CRTAC1: variants seen among roughly 807,000 people sequenced by gnomAD.
CRTAC1 encodes the protein acidic secreted protein in cartilage.
A neutral mutation model predicts 67.8 loss-of-function variants in CRTAC1; 37 were observed. The ratio of observed to expected loss-of-function variants is 0.55; its 90% CI spans 0.42 to 0.72. CRTAC1 has a LOEUF of 0.72. CRTAC1 is among the 30% of genes least tolerant of loss of function. CRTAC1 has a pLI of 0.00. For synonymous variants in CRTAC1, 348 were observed against 371.0 expected (o/e 0.94, Z 0.71); for missense variants, 780 against 931.6 (o/e 0.84, Z 2.12).
intron 2 of CRTAC1, among the ~76,000 whole-genome samples, chr10:97,947,682 G>A (rs2051285913): frequency 6.6e-6 from 1 of 152,178 alleles, no homozygotes; most frequent in African/African-American, 2.4e-5. Context: ...GTTTAATTGG[G>A]GGAACTTAAA....
At chr10:98,005,100 A>ATTTTTTTTTTTTTTTTTTTTT (rs10683960) in intron 2 of CRTAC1, among the ~76,000 whole-genome samples, 17 of 48,886 alleles carry the variant, frequency 3.5e-4, no homozygotes, top group African/African-American at 4.6e-4. Flanking sequence ...ATATATATAT[A>ATTTTTTTTTTTTTTTTTTTTT]TTTTTTTTTT....
intron 2 of CRTAC1, among the ~76,000 whole-genome samples, chr10:97,976,334 C>T (rs2051802294): frequency 6.6e-6 from 1 of 152,194 alleles, no homozygotes. Flanking sequence ...GGCACTGGCT[C>T]CAGGCTGCCT....
intron 3 of CRTAC1, among the ~76,000 whole-genome samples, chr10:97,933,961 C>T (rs1046615214): frequency 1.7e-4 from 26 of 152,300 alleles, no homozygotes; most frequent in South Asian, 1.5e-3. Context: ...CCCTAATGTG[C>T]AGCCTGGGCA....
At chr10:97,920,993 A>AG (rs2050828705) in intron 4 of CRTAC1, among the ~76,000 whole-genome samples, 1 of 152,078 alleles carries the variant, frequency 6.6e-6, no homozygotes, top group Admixed American at 6.5e-5. Context: ...AGAATGAGTG[A>AG]GGGGTGGAAG....
At chr10:97,929,924 G>A (rs979780707) in intron 3 of CRTAC1, among the ~76,000 whole-genome samples, 1 of 152,212 alleles carries the variant, frequency 6.6e-6, no homozygotes, top group Non-Finnish European at 1.5e-5. Context: ...GGGGAAGAAA[G>A]AACTCATTCA....
intron 2 of CRTAC1, among the ~76,000 whole-genome samples, chr10:97,968,159 A>G (rs1342525574): frequency 1.3e-5 from 2 of 152,240 alleles, no homozygotes; most frequent in Non-Finnish European, 2.9e-5. Flanking sequence ...GCTTGTGGGA[A>G]GGACACTTGC....
chr10:98,013,090 T>C (rs554800374), intron 1 of CRTAC1, among the ~76,000 whole-genome samples: 1 of 152,228 alleles, frequency 6.6e-6, no homozygotes, highest in Non-Finnish European at 1.5e-5. Flanking sequence ...CATGCCGAAA[T>C]GTAGCATGGA....
intron 2 of CRTAC1, among the ~76,000 whole-genome samples, chr10:97,957,389 G>A (rs1414849134): frequency 1.3e-5 from 2 of 152,150 alleles, no homozygotes; most frequent in Non-Finnish European, 2.9e-5. Context: ...TCAGTGACAG[G>A]AGCAGCCCCA....
At position 97,884,754 on chromosome 10, in the gene CRTAC1, G is replaced by T. The variant is rs1013199415; in HGVS notation, c.1487-403C>A. ...CAGCTCTTGAACTCACGTTCTAGCA[G>T]ACAGGCCAAGCATCAGGAGGCTGTA... On this transcript the variant is annotated intron_variant, in intron 11 of 14. Coordinates refer to ENST00000370597, the MANE Select transcript of CRTAC1 (RefSeq NM_018058.7). Among the ~76,000 whole-genome samples the T allele has an allele frequency of 3.3e-5, 5 of 152,232 alleles. No individual in the cohort carries two copies. The East Asian group carries it at 9.6e-4, about 29-fold the overall frequency.
chr10:97,924,149 GCT>G (rs1176623169), intron 3 of CRTAC1, among the ~76,000 whole-genome samples: 3 of 152,172 alleles, frequency 2.0e-5, no homozygotes, highest in Admixed American at 6.5e-5. Flanking sequence ...GCCTTCTGGA[GCT>G]CGTTCGTGAC....
chr10:98,003,237 G>C (rs1476730700), intron 2 of CRTAC1, among the ~76,000 whole-genome samples: 4 of 152,106 alleles, frequency 2.6e-5, no homozygotes, highest in African/African-American at 9.7e-5. Flanking sequence ...ATGACACCAA[G>C]CATTCAACAT....
intron 2 of CRTAC1, among the ~76,000 whole-genome samples, chr10:97,939,001 T>C (rs2136617500): frequency 6.6e-6 from 1 of 152,326 alleles, no homozygotes; most frequent in African/African-American, 2.4e-5. Flanking sequence ...TGTGGGTCTG[T>C]GAGTCTCACT....
intron 2 of CRTAC1, among the ~76,000 whole-genome samples, chr10:97,968,119 A>G (rs540916650): frequency 1.4e-4 from 21 of 152,374 alleles, no homozygotes; most frequent in Admixed American, 7.8e-4. Context: ...TGACAGAGCC[A>G]GAATGGATTA....
In CRTAC1 at chr10:97,977,161, C is replaced by A. The variant is rs115626195; in HGVS notation, c.224+33977G>T. 9.7e-3 allele frequency among the ~76,000 whole-genome samples: 1,473 copies of A among 152,256 alleles called. 31 individuals are homozygous for A. The highest frequency in any genetic ancestry group is 0.034 in the African/African-American group (1,398 of 41,550). The stretch of plus-strand genomic sequence containing the variant: ...ATGGATAAGTTCTGAACAGCTGGAC[C>A]AGGTGGGCCCCTGACAGATAAGAGG... On this transcript the variant is annotated intron_variant, in intron 2 of 14. Transcript: ENST00000370597.
intron 14 of CRTAC1, among the ~76,000 whole-genome samples, chr10:97,873,739 C>T (rs2050116520): frequency 6.6e-6 from 1 of 152,230 alleles, no homozygotes; most frequent in African/African-American, 2.4e-5. Context: ...TGGCCCCAGA[C>T]TGCTTTCCTG....
intron 2 of CRTAC1, among the ~76,000 whole-genome samples, chr10:97,959,767 T>C (rs1457123291): frequency 6.6e-5 from 10 of 152,228 alleles, no homozygotes; most frequent in Non-Finnish European, 1.2e-4. Context: ...TAAAACCCCA[T>C]GTCTCATTTG....
intron 14 of CRTAC1, among the ~76,000 whole-genome samples, chr10:97,874,319 G>T (rs182223425): frequency 5.0e-4 from 76 of 152,306 alleles, no homozygotes; most frequent in Middle Eastern, 3.4e-3. Context: ...CTAGCTCCTG[G>T]TGACCTCTGC....
At chr10:97,886,091 G>A (rs1470251665) in intron 11 of CRTAC1, among the ~76,000 whole-genome samples, 1 of 152,156 alleles carries the variant, frequency 6.6e-6, no homozygotes, top group Admixed American at 6.5e-5. Context: ...CAGACTTGGA[G>A]GAGAATCTCT....
chr10:98,005,100 A>ATTT lies in CRTAC1; in HGVS notation c.224+6035_224+6037dup, dbSNP rs10683960. On this transcript the variant is annotated intron_variant, in intron 2 of 14. Transcript: ENST00000370597. ...GTAATACATATATATATATATATAT[A>ATTT]TTTTTTTTTTTTTTTTTTTTTGAGA... is the stretch of plus-strand genomic sequence containing the variant. Among the ~76,000 whole-genome samples, 174 of 48,894 alleles carry ATTT rather than the reference A, an allele frequency of 3.6e-3. 19 individuals are homozygous for ATTT. Among genetic ancestry groups the ATTT allele is most frequent in the Middle Eastern group, 0.015 (1 of 66 alleles). The allele number at this position is 48,894 out of a possible 152,430, so 32.1% of individuals were successfully genotyped here.
Sources: gnomAD v4.1 joint callset for allele counts (sites outside exome capture counted in the v4.1 genomes callset) on GRCh38, gnomAD v4.1.1 for gene constraint, MANE v1.5 for transcripts, NCBI Gene and HGNC (gene_info 2026-07-23, HGNC 2026-07-21) for gene names.